HK1: variants seen among roughly 807,000 people sequenced by gnomAD.
HK1 encodes the protein hexokinase 1.
Under a neutral mutation model 91.6 loss-of-function variants are expected in HK1, and 28 were observed. The observed-to-expected ratio is 0.31, with a 90% CI of 0.23 to 0.42. The LOEUF (loss-of-function observed/expected upper bound fraction) is 0.42, where lower values mean the gene tolerates loss of function less well. Among genes scored for constraint, HK1 ranks in the 10% least tolerant of loss-of-function variants. HK1 has a pLI of 1.00. For missense variants in HK1, 770 were observed against 1,219.8 expected (o/e 0.63, Z 5.49); for synonymous variants, 430 against 468.1 (o/e 0.92, Z 1.05).
At chr10:69,374,289 A>G (rs1850171990) in intron 7 of HK1, among the ~76,000 whole-genome samples, 1 of 152,034 alleles carries the variant, frequency 6.6e-6, no homozygotes, top group South Asian at 2.1e-4. Context: ...GTCCTTGCCC[A>G]TGACTTCTCG....
chr10:69,385,729 C>T (rs993549612), intron 12 of HK1, among the ~76,000 whole-genome samples: 1 of 152,184 alleles, frequency 6.6e-6, no homozygotes, highest in African/African-American at 2.4e-5. Flanking sequence ...AATCCAGTTA[C>T]ATCGCTGACT....
At chr10:69,286,157 C>T (rs1769636573) in intron 2 of HK1, among the ~76,000 whole-genome samples, 1 of 152,032 alleles carries the variant, frequency 6.6e-6, no homozygotes, top group African/African-American at 2.4e-5. Flanking sequence ...TTTGTTAAGC[C>T]CATATAGCAT....
At chr10:69,393,286 A>T (rs933697209) in intron 15 of HK1, among the ~76,000 whole-genome samples, 1 of 149,676 alleles carries the variant, frequency 6.7e-6, no homozygotes, top group Non-Finnish European at 1.5e-5. Flanking sequence ...CAGCCCTTAT[A>T]GTCTTTTTCT....
At chr10:69,290,424 C>T (rs1027897589) in intron 3 of HK1, among the ~76,000 whole-genome samples, 2 of 152,210 alleles carry the variant, frequency 1.3e-5, no homozygotes, top group African/African-American at 4.8e-5. Flanking sequence ...CCCTCTTCAG[C>T]TTCTTTGAGA....
intron 2 of HK1, among the ~76,000 whole-genome samples, chr10:69,352,277 G>A (rs964777313): frequency 6.6e-6 from 1 of 152,158 alleles, no homozygotes; most frequent in Non-Finnish European, 1.5e-5. Context: ...ACAAGCATGA[G>A]CCACTGCGCC....
chr10:69,376,241 T>C (rs1401726445), intron 7 of HK1, among the ~76,000 whole-genome samples: 1 of 152,168 alleles, frequency 6.6e-6, no homozygotes, highest in African/African-American at 2.4e-5. Context: ...GAGGTGAAAG[T>C]TCTTTGAAAA....
intron 13 of HK1, among the ~76,000 whole-genome samples, chr10:69,387,961 A>C (rs1020581435): frequency 2.0e-5 from 3 of 152,164 alleles, no homozygotes; most frequent in Non-Finnish European, 4.4e-5. Flanking sequence ...AGAACACTTC[A>C]AATAACAGTC....
chr10:69,337,190 A>G (rs1468446460), intron 1 of HK1, among the ~76,000 whole-genome samples: 1 of 152,204 alleles, frequency 6.6e-6, no homozygotes, highest in African/African-American at 2.4e-5. Flanking sequence ...CTCTCTGTCC[A>G]CAGCCCTGTG....
intron 1 of HK1, among the ~76,000 whole-genome samples, chr10:69,281,751 G>A (rs976737804): frequency 6.6e-6 from 1 of 152,100 alleles, no homozygotes; most frequent in African/African-American, 2.4e-5. Context: ...GTCACCCTTA[G>A]GATTGTGCAC....
chr10:69,320,312 C>G (rs572332049), intron 1 of HK1, among the ~76,000 whole-genome samples: 1 of 152,156 alleles, frequency 6.6e-6, no homozygotes, highest in Non-Finnish European at 1.5e-5. Flanking sequence ...GGGACCCTGC[C>G]GTGATCTTGG....
At chr10:69,319,935 C>G (rs1846910372) in intron 1 of HK1, among the ~76,000 whole-genome samples, 1 of 151,826 alleles carries the variant, frequency 6.6e-6, no homozygotes, top group South Asian at 2.1e-4. Context: ...CAGGCCCACC[C>G]ACCCTGAACG....
At chr10:69,284,692 G>A (rs570793935) in intron 2 of HK1, among the ~76,000 whole-genome samples, 89 of 152,322 alleles carry the variant, frequency 5.8e-4, no homozygotes, top group African/African-American at 1.3e-3. Flanking sequence ...AGGCTGGAGT[G>A]CAGTGGCACA....
intron 1 of HK1, among the ~76,000 whole-genome samples, chr10:69,340,616 C>T (rs1348940046): frequency 6.6e-6 from 1 of 152,202 alleles, no homozygotes; most frequent in Non-Finnish European, 1.5e-5. Context: ...TGGTCTTGAA[C>T]TTTTGGGCCT....
chr10:69,315,882 C>A, upstream of HK1: 1 of 1,461,148 alleles, frequency 6.8e-7, no homozygotes, highest in Non-Finnish European at 9.6e-7. Flanking sequence ...CACAACCTGA[C>A]ACTGGGCAAG....
chr10:69,327,068 G>A (rs951266854), intron 1 of HK1, among the ~76,000 whole-genome samples: 13 of 147,870 alleles, frequency 8.8e-5, no homozygotes, highest in South Asian at 4.3e-4. Context: ...GCAGTGGCAC[G>A]GTCTCAGCTC....
At chr10:69,318,794 C>A, upstream of HK1, 1 of 1,375,726 alleles carries the variant, frequency 7.3e-7, no homozygotes, top group Non-Finnish European at 9.4e-7. Context: ...ACCGGGAGCG[C>A]GCGAGCTGTC....
At position 69,303,200 on chromosome 10, in the gene HK1, A is replaced by G. The variant is rs1035126736; in HGVS notation, c.27+2339A>G. 6.1e-5 allele frequency among the ~76,000 whole-genome samples: 9 copies of G among 148,216 alleles called. No homozygotes were observed. The East Asian group carries it at 1.6e-3, about 27-fold the overall frequency. ...AATATAGAGGTAATGTGGTGGGGGGAGGGGGGAGGCTGATATGGGGCAGCT... is the reference window on the plus strand; with the variant it reads ...AATATAGAGGTAATGTGGTGGGGGGGGGGGGGAGGCTGATATGGGGCAGCT... On this transcript the variant is annotated intron_variant, in intron 5 of 21. Transcript: ENST00000360289.
intron 7 of HK1, among the ~76,000 whole-genome samples, chr10:69,371,600 G>A (rs1850009230): frequency 6.6e-6 from 1 of 152,180 alleles, no homozygotes; most frequent in Non-Finnish European, 1.5e-5. Context: ...TCTTTTCTTA[G>A]AAGTGCAGGT....
intron 1 of HK1, among the ~76,000 whole-genome samples, chr10:69,342,734 A>G (rs1275928004): frequency 6.6e-6 from 1 of 152,230 alleles, no homozygotes; most frequent in East Asian, 1.9e-4. Flanking sequence ...ATCATCAGCA[A>G]TCCAGGCACA....
Sources: gnomAD v4.1 joint callset for allele counts (sites outside exome capture counted in the v4.1 genomes callset) on GRCh38, gnomAD v4.1.1 for gene constraint, MANE v1.5 for transcripts, NCBI Gene and HGNC (gene_info 2026-07-23, HGNC 2026-07-21) for gene names.